The following INPP5B variants were observed in gnomAD, a reference collection of about 807,000 sequenced individuals.
INPP5B encodes the protein inositol polyphosphate-5-phosphatase B.
A neutral mutation model predicts 118.5 loss-of-function variants in INPP5B; 90 were observed. That is an observed-to-expected ratio of 0.76 (90% confidence interval 0.64 to 0.90). The LOEUF (loss-of-function observed/expected upper bound fraction) is 0.90. INPP5B is among the 40% of genes least tolerant of loss of function. INPP5B has a pLI of 0.00. For missense variants in INPP5B, 984 were observed against 1,125.6 expected (o/e 0.87, Z 1.80); for synonymous variants, 385 against 418.9 (o/e 0.92, Z 0.99).
At chr1:37,883,788 T>G in intron 13 of INPP5B, 3 of 985,440 alleles carry the variant, frequency 3.0e-6, no homozygotes, top group Non-Finnish European at 3.6e-6. Context: ...CTCCAGATAG[T>G]TCCACCTCGG....
chr1:37,904,748 A>C (rs533727744), intron 7 of INPP5B, among the ~76,000 whole-genome samples: 2 of 151,708 alleles, frequency 1.3e-5, no homozygotes, highest in Non-Finnish European at 2.9e-5. Context: ...GTGGTGGTGC[A>C]TGCCTGTAAT....
intron 14 of INPP5B, 41 bp downstream of exon 14, chr1:37,882,766 G>A: frequency 6.7e-7 from 1 of 1,485,444 alleles, no homozygotes; most frequent in Non-Finnish European, 9.4e-7. Flanking sequence ...CCTCATGGTG[G>A]AGGACAGCTG....
chr1:37,878,333 A>G lies in INPP5B; in HGVS notation c.1542-10T>C. 1 of 1,613,702 alleles carries G rather than the reference A, an allele frequency of 6.2e-7. No individual in the cohort carries two copies. Among genetic ancestry groups the G allele is most frequent in the Non-Finnish European group, 8.5e-7 (1 of 1,179,736 alleles). On this transcript the variant is annotated splice_polypyrimidine_tract_variant and intron_variant, in intron 15 of 23. Coordinates refer to ENST00000373024, the MANE Select transcript of INPP5B (RefSeq NM_005540.3). ...AGCACGGCACTTCTCACTGAAATGC[A>G]AAGTCCACACTGGAAGTACTCACAG...
intron 22 of INPP5B, among the ~76,000 whole-genome samples, chr1:37,865,360 G>C (rs1641965659): frequency 6.6e-6 from 1 of 152,230 alleles, no homozygotes; most frequent in South Asian, 2.1e-4. Flanking sequence ...GCCAAGTATA[G>C]TTTTTGACCA....
chr1:37,917,095 C>G (rs888548559), intron 7 of INPP5B, among the ~76,000 whole-genome samples: 2 of 149,856 alleles, frequency 1.3e-5, no homozygotes, highest in African/African-American at 4.9e-5. Context: ...TCGAGACCAG[C>G]CTGACCAACA....
chr1:37,945,863 G>A lies in INPP5B; in HGVS notation c.58-13C>T. 1 of 1,613,304 alleles carries A rather than the reference G, an allele frequency of 6.2e-7. No individual in the cohort carries two copies. The highest frequency in any genetic ancestry group is 1.3e-5 in the African/African-American group (1 of 75,058). On this transcript the variant is annotated splice_polypyrimidine_tract_variant and intron_variant, in intron 2 of 23. Transcript: ENST00000373024. Reference sequence around the variant, plus strand: ...CACCTTGCACCGCCTGCGGCTCAGAGTCAAGGGAAGACAACCCAGAGGCGA... The same window carrying A: ...CACCTTGCACCGCCTGCGGCTCAGAATCAAGGGAAGACAACCCAGAGGCGA...
At chr1:37,879,748 ACTCTGT>A (rs1643080551) in intron 15 of INPP5B, among the ~76,000 whole-genome samples, 1 of 152,130 alleles carries the variant, frequency 6.6e-6, no homozygotes, top group Admixed American at 6.6e-5. Flanking sequence ...ACAGAGCAAG[ACTCTGT>A]CTCAAAACAA....
intron 7 of INPP5B, among the ~76,000 whole-genome samples, chr1:37,895,892 G>A (rs1644025726): frequency 6.6e-6 from 1 of 152,210 alleles, no homozygotes; most frequent in South Asian, 2.1e-4. Flanking sequence ...GCCTGCCTTG[G>A]CCTCCCAAAG....
intron 20 of INPP5B, among the ~76,000 whole-genome samples, chr1:37,867,947 C>T (rs1642146422): frequency 6.6e-6 from 1 of 152,102 alleles, no homozygotes; most frequent in African/African-American, 2.4e-5. Flanking sequence ...GCAGGGGGAC[C>T]CCAGAGGCCA....
chr1:37,892,005 A>C (rs965968975), intron 7 of INPP5B, among the ~76,000 whole-genome samples: 2 of 152,180 alleles, frequency 1.3e-5, no homozygotes, highest in African/African-American at 4.8e-5. Flanking sequence ...AGCTAGTCTA[A>C]CTCCCTTTTC....
chr1:37,883,033 A>G (rs1570074058), intron 13 of INPP5B, 115 bp from the exon 14 acceptor site: 8 of 1,473,042 alleles, frequency 5.4e-6, no homozygotes, highest in Non-Finnish European at 6.3e-6. Context: ...TGGGTGGGAA[A>G]ATGGCTCAAC....
intron 7 of INPP5B, among the ~76,000 whole-genome samples, chr1:37,909,822 G>A (rs1644627662): frequency 6.6e-6 from 1 of 152,200 alleles, no homozygotes; most frequent in Admixed American, 6.5e-5. Flanking sequence ...TGCCTCCGCT[G>A]TGAGAGAAAC....
At chr1:37,933,420 C>T (rs914003098) in intron 6 of INPP5B, among the ~76,000 whole-genome samples, 51 of 152,012 alleles carry the variant, frequency 3.4e-4, no homozygotes, top group African/African-American at 1.2e-3. Context: ...TGGTGGCATG[C>T]GCCTGTAGTC....
chr1:37,920,693 A>C (rs1004140507), intron 7 of INPP5B, among the ~76,000 whole-genome samples: 1 of 149,622 alleles, frequency 6.7e-6, no homozygotes, highest in African/African-American at 2.4e-5. Context: ...GAAGAACAAG[A>C]GTGTAAGAGT....
intron 7 of INPP5B, among the ~76,000 whole-genome samples, chr1:37,892,587 G>A (rs183105451): frequency 5.9e-5 from 9 of 152,296 alleles, no homozygotes; most frequent in African/African-American, 1.9e-4. Flanking sequence ...ATTTTGCTGC[G>A]AAGACTATTA....
chr1:37,912,010 A>G (rs1644716476), intron 7 of INPP5B, among the ~76,000 whole-genome samples: 1 of 152,158 alleles, frequency 6.6e-6, no homozygotes, highest in East Asian at 1.9e-4. Flanking sequence ...TTTTATATGG[A>G]CGCACTTTCT....
chr1:37,896,078 TC>T (rs1644039809), intron 7 of INPP5B, among the ~76,000 whole-genome samples: 1 of 140,416 alleles, frequency 7.1e-6, no homozygotes, highest in Non-Finnish European at 1.5e-5. Flanking sequence ...GAGCGCCTCT[TC>T]CCGGCCGCCA....
intron 6 of INPP5B, among the ~76,000 whole-genome samples, chr1:37,933,841 G>A (rs529537204): frequency 5.3e-5 from 8 of 151,078 alleles, no homozygotes; most frequent in South Asian, 2.1e-4. Flanking sequence ...TCTGAACTCC[G>A]AGGGCTTTGG....
At chr1:37,905,601 T>C (rs28766116) in intron 7 of INPP5B, among the ~76,000 whole-genome samples, 34,738 of 152,136 alleles carry the variant, frequency 0.23, 4,511 homozygotes, top group East Asian at 0.29. Flanking sequence ...AAACATTTTG[T>C]CATCCACAGA....
Sources: allele counts gnomAD v4.1 joint callset (sites outside exome capture counted in the v4.1 genomes callset), GRCh38; gene constraint gnomAD v4.1.1; transcripts MANE v1.5; gene names NCBI Gene and HGNC (gene_info 2026-07-23, HGNC 2026-07-21).